ZYX: variants seen among roughly 807,000 people sequenced by gnomAD.
ZYX encodes the protein zyxin-2.
A neutral mutation model predicts 58.1 loss-of-function variants in ZYX; 37 were observed. That is an observed-to-expected ratio of 0.64 (90% CI 0.49 to 0.84). ZYX has a LOEUF of 0.84. Among genes scored for constraint, ZYX ranks in the 40% least tolerant of loss-of-function variants. The pLI is 0.00. For missense variants in ZYX, 762 were observed against 761.6 expected (o/e 1.00, Z -0.01); for synonymous variants, 324 against 321.1 (o/e 1.01, Z -0.10).
chr7:143,382,863 G>A lies in ZYX; in HGVS notation c.564G>A (p.Lys188=). ...ATPFSSKSST[K]PAAGGTAPLP... is the part of the protein sequence containing the mutation. Reference sequence around the variant, plus strand: ...CATTCAGTTCCAAGTCCAGTACCAAGCCTGCAGCCGGGGGCACAGCACCCC... The same window carrying A: ...CATTCAGTTCCAAGTCCAGTACCAAACCTGCAGCCGGGGGCACAGCACCCC... The change falls in exon 5 of 10, where the codon AAG becomes AAA. Residue 188 remains lysine (K), a synonymous_variant. Transcript: ENST00000322764. The A allele has an allele frequency of 6.2e-7, 1 of 1,612,230 alleles. No homozygotes were observed. Among genetic ancestry groups the A allele is most frequent in the Non-Finnish European group, 8.5e-7 (1 of 1,179,098 alleles).
rs777846453 is a variant in ZYX, at chr7:143,387,759, CA to C, written c.1024-459del. ...TGCCTGTGTTGTATCCTCACGCTGA[CA>C]GGGGCTGCTCAGCAGCAGGCAGGCC... On this transcript the variant is annotated intron_variant, in intron 5 of 9. Coordinates refer to ENST00000322764, the MANE Select transcript of ZYX (RefSeq NM_003461.5). This position sits in a 1 kb window ranked among gnomAD's most constrained non-coding sequence, Gnocchi z 5.8. 4 of 472,018 alleles carry C rather than the reference CA, an allele frequency of 8.5e-6. No individual in the cohort carries two copies. The highest frequency in any genetic ancestry group is 6.2e-5 in the South Asian group (4 of 64,584). The allele number at this position is 472,018 out of a possible 1,614,324, so 29.2% of individuals were successfully genotyped here.
rs1805042968 is a variant in ZYX at position 143,390,786 on chromosome 7, T to C, written c.*104T>C. Reference sequence around the variant, plus strand: ...AGTTATTGTTTTGATGTCTAGCCCCTCCCATTTCCAACCCCTCCCTAGCAT... The same window carrying C: ...AGTTATTGTTTTGATGTCTAGCCCCCCCCATTTCCAACCCCTCCCTAGCAT... On this transcript the variant is annotated 3_prime_UTR_variant, in exon 10 of 10. Coordinates refer to ENST00000322764, the MANE Select transcript of ZYX (RefSeq NM_003461.5). The surrounding 1 kb of genome is among the most constrained non-coding windows in gnomAD (Gnocchi z 4.3). 4 of 890,598 alleles carry C rather than the reference T, an allele frequency of 4.5e-6. No homozygotes were observed. The highest frequency in any genetic ancestry group is 2.7e-5 in the East Asian group (1 of 37,112). 55.2% of individuals were successfully genotyped at this position (890,598 alleles called of 1,614,324 possible). A position where few individuals can be genotyped will look rare whatever the true frequency, so the allele number is the denominator to read the frequency against.
intron 5 of ZYX, among the ~76,000 whole-genome samples, chr7:143,385,449 ATG>A (rs1804820038): frequency 6.6e-6 from 1 of 151,020 alleles, no homozygotes; most frequent in African/African-American, 2.4e-5. Flanking sequence ...GTGGCGTGTG[ATG>A]TGTGTAGTGT....
At chr7:143,382,496 G>A in intron 3 of ZYX, 49 bp downstream of exon 3, 4 of 1,584,600 alleles carry the variant, frequency 2.5e-6, no homozygotes, top group Non-Finnish European at 3.5e-6. Flanking sequence ...CCAAGGAGAG[G>A]AGAAGAGGGC....
In ZYX at chr7:143,382,888, C is replaced by T; in HGVS notation, c.589C>T (p.Leu197=). ...TKPAAGGTAP[L]PPWKSPSSSQ... is the part of the protein sequence containing the mutation. Reference sequence around the variant, plus strand: ...GCCTGCAGCCGGGGGCACAGCACCCCTGCCTCCTTGGAAGTCCCCTTCCAG... The same window carrying T: ...GCCTGCAGCCGGGGGCACAGCACCCTTGCCTCCTTGGAAGTCCCCTTCCAG... Residue 197 remains leucine, a synonymous_variant, in exon 5 of 10, where the codon CTG becomes TTG. Coordinates refer to ENST00000322764, the MANE Select transcript of ZYX (RefSeq NM_003461.5). 1 of 1,613,904 alleles carries T rather than the reference C, an allele frequency of 6.2e-7. No individual in the cohort carries two copies. Among genetic ancestry groups the T allele is most frequent in the South Asian group, 1.1e-5 (1 of 91,038 alleles).
chr7:143,383,360 C>T (rs775370510), intron 5 of ZYX, 38 bp downstream of exon 5: 7 of 1,551,626 alleles, frequency 4.5e-6, no homozygotes, highest in Non-Finnish European at 6.1e-6. Flanking sequence ...GGTACCAGGG[C>T]ACTGGGGCGG....
chr7:143,382,255 C>G lies in ZYX; in HGVS notation c.216C>G (p.Pro72=). 1 of 1,612,468 alleles carries G rather than the reference C, an allele frequency of 6.2e-7. No individual in the cohort carries two copies. Among genetic ancestry groups the G allele is most frequent in the Non-Finnish European group, 8.5e-7 (1 of 1,179,364 alleles). Residue 72 remains proline, a synonymous_variant, in exon 3 of 10, where the codon CCC becomes CCG. Transcript: ENST00000322764. ...TTCTCCTTCCTACCCCAGACTTTCC[C>G]CTGCCTCCACCTCCCCTTGCTGGGG... is the stretch of plus-strand genomic sequence containing the variant. ...EIPPPPPEDF[P]LPPPPLAGDG...
Position 143,390,292 on chromosome 7 carries a change from G to C in ZYX, c.1615-286G>C, listed in dbSNP as rs562521520. 344 of 548,388 alleles carry C rather than the reference G, an allele frequency of 6.3e-4. 2 individuals carry two copies. The highest frequency in any genetic ancestry group is 4.8e-4 in the Middle Eastern group (1 of 2,064). The allele number at this position is 548,388 out of a possible 1,614,324, so 34.0% of individuals were successfully genotyped here. A position where few individuals can be genotyped will look rare whatever the true frequency, so the allele number is the denominator to read the frequency against. On this transcript the variant is annotated intron_variant, in intron 9 of 9. Transcript: ENST00000322764. This position sits in a 1 kb window ranked among gnomAD's most constrained non-coding sequence, Gnocchi z 4.3. ...ACAGGAGCTGAGAGAAGAGGTCTTC[G>C]AATGGAGGTGAGCCAACCTCTATTT...
intron 5 of ZYX, among the ~76,000 whole-genome samples, chr7:143,386,569 G>A (rs992838830): frequency 3.3e-5 from 5 of 152,100 alleles, no homozygotes; most frequent in Admixed American, 2.0e-4. Context: ...AACAGGAAGA[G>A]GGTGGTGGTG....
In ZYX at chr7:143,387,491, G is replaced by C; in HGVS notation, c.1024-728G>C. Among the ~76,000 whole-genome samples, 1 of 152,170 alleles carries C rather than the reference G, an allele frequency of 6.6e-6. No homozygotes were observed. The highest frequency in any genetic ancestry group is 1.9e-4 in the East Asian group (1 of 5,192). On this transcript the variant is annotated intron_variant, in intron 5 of 9. Transcript: ENST00000322764. The surrounding 1 kb of genome is among the most constrained non-coding windows in gnomAD (Gnocchi z 5.8). ...CAGACAGCCCTTCCCGGAGTTCTCA[G>C]GGTTACCTCTCAGGGTTACTGGCAG...
Position 143,382,393 on chromosome 7 carries a change from G to A in ZYX, c.354G>A (p.Pro118=), listed in dbSNP as rs775063676. Residue 118 remains proline, a synonymous_variant, in exon 3 of 10, where the codon CCG becomes CCA. Transcript: ENST00000322764. ...PLEEEIFPSP[P]PPPEEEGGPE... is the part of the protein sequence containing the mutation. ...AGGAGGAGATCTTCCCTTCCCCGCC[G>A]CCTCCTCCGGAGGAGGAGGGAGGGC... is the stretch of plus-strand genomic sequence containing the variant. 3.2e-6 allele frequency: 5 copies of A among 1,576,850 alleles called. No individual in the cohort carries two copies. The South Asian group carries it at 3.4e-5, about 11-fold the overall frequency.
Position 143,382,446 on chromosome 7 carries a change from AG to A in ZYX, c.408+1del. 2 of 1,594,314 alleles carry A rather than the reference AG, an allele frequency of 1.3e-6. No homozygotes were observed. Among genetic ancestry groups the A allele is most frequent in the Non-Finnish European group, 1.7e-6 (2 of 1,170,528 alleles). On this transcript the variant is annotated frameshift_variant and splice_region_variant, in exon 3 of 10. Coordinates refer to ENST00000322764, the MANE Select transcript of ZYX (RefSeq NM_003461.5). LOFTEE classifies it high-confidence loss of function. ...GAGGCCCCCATACCGCCCCCACCACAGGTACGGAGGCCTGGGAGGGGCGGCT... is the reference window on the plus strand; with the variant it reads ...GAGGCCCCCATACCGCCCCCACCACAGTACGGAGGCCTGGGAGGGGCGGCT... Reference protein sequence around the residue: ...GPEAPIPPPPQPREKVSSIDL... With the variant: ...GPEAPIPPPPXPREKVSSIDL...
chr7:143,383,209 G>T lies in ZYX; in HGVS notation c.910G>T (p.Ala304Ser), dbSNP rs1804714071. 6.2e-7 allele frequency: 1 copy of T among 1,614,136 alleles called. No homozygotes were observed. Among genetic ancestry groups the T allele is most frequent in the African/African-American group, 1.3e-5 (1 of 75,026 alleles). ...ATTGGGGCACCCCGAAGCTCTTTCTGCTGGCACAGGCTCCCCTCAACCTCC... is the reference window on the plus strand; with the variant it reads ...ATTGGGGCACCCCGAAGCTCTTTCTTCTGGCACAGGCTCCCCTCAACCTCC... The part of the protein sequence containing the change: ...QKLGHPEALS[A>S]GTGSPQPPSF... Residue 304 changes from alanine to serine, a missense_variant, in exon 5 of 10, where the codon GCT becomes TCT. Physicochemically the swap from Ala to Ser is moderately conservative, Grantham distance 99 (BLOSUM62 1). Transcript: ENST00000322764.
chr7:143,382,732 C>T lies in ZYX; in HGVS notation c.501+47C>T, dbSNP rs150791328. 1,001 of 1,613,972 alleles carry T rather than the reference C, an allele frequency of 6.2e-4. 9 individuals carry two copies. In the African/African-American group the frequency reaches 0.012, roughly 19 times the overall value. On this transcript the variant is annotated intron_variant, in intron 4 of 9. Coordinates refer to ENST00000322764, the MANE Select transcript of ZYX (RefSeq NM_003461.5). ...AAAGCAGGGCTCAGGGCCAGAGAGA[C>T]TGGGCATAGAACTAAGGAGGATGGT...
intron 5 of ZYX, among the ~76,000 whole-genome samples, chr7:143,385,815 TGTATTTTTTA>T (rs1804845057): frequency 6.6e-6 from 1 of 151,842 alleles, no homozygotes; most frequent in South Asian, 2.1e-4. Context: ...GGCTAATTTT[TGTATTTTTTA>T]GTAGAGATGG....
At chr7:143,383,399 T>C in intron 5 of ZYX, 77 bp downstream of exon 5, 1 of 1,488,208 alleles carries the variant, frequency 6.7e-7, no homozygotes. Context: ...AGCATAAGCA[T>C]AAGGTGATTG....
chr7:143,387,950 C>A lies in ZYX; in HGVS notation c.1024-269C>A. The A allele has an allele frequency of 1.8e-6, 1 of 559,422 alleles. No individual in the cohort carries two copies. The highest frequency in any genetic ancestry group is 3.4e-6 in the Non-Finnish European group (1 of 293,992). The allele number at this position is 559,422 out of a possible 1,614,324, so 34.7% of individuals were successfully genotyped here. On this transcript the variant is annotated intron_variant, in intron 5 of 9. Coordinates refer to ENST00000322764, the MANE Select transcript of ZYX (RefSeq NM_003461.5). The surrounding 1 kb of genome is among the most constrained non-coding windows in gnomAD (Gnocchi z 5.8). ...CCTCCGTCCGCCCAGTCATTCTGGC[C>A]TGTCTGTGACTGCTCAGGGGGTTTG...
At chr7:143,382,081 T>C in intron 2 of ZYX, 167 bp from the exon 3 acceptor site, 1 of 645,776 alleles carries the variant, frequency 1.5e-6, no homozygotes, top group East Asian at 2.9e-5. Flanking sequence ...CGCCCGGCCT[T>C]TCCTGACCTG....
At position 143,381,609 on chromosome 7, in the gene ZYX, C is replaced by T. The variant is rs748403980; in HGVS notation, c.38C>T (p.Ser13Leu). 6 of 1,611,802 alleles carry T rather than the reference C, an allele frequency of 3.7e-6. No individual in the cohort carries two copies. The highest frequency in any genetic ancestry group is 5.1e-6 in the Non-Finnish European group (6 of 1,179,446). ...APRPSPAISV[S>L]VSAPAFYAPQ... ...CGCCCGTCTCCCGCGATCTCCGTTT[C>T]GGTCTCGGCTCCGGCTTTTTACGCC... The change falls in exon 2 of 10, where the codon TCG (serine) becomes TTG (leucine). Residue 13 changes from serine (S) to leucine (L), a missense_variant. Physicochemically the swap from Ser to Leu is moderately radical, Grantham distance 145. Coordinates refer to ENST00000322764, the MANE Select transcript of ZYX (RefSeq NM_003461.5).
Sources: gnomAD v4.1 joint callset for allele counts (sites outside exome capture counted in the v4.1 genomes callset) on GRCh38, gnomAD v4.1.1 for gene constraint, Gnocchi (gnomAD v3.1) non-coding constraint, MANE v1.5 for transcripts, NCBI Gene and HGNC (gene_info 2026-07-23, HGNC 2026-07-21) for gene names.